The following CNTNAP2 variants were observed in gnomAD, a reference collection of about 807,000 sequenced individuals.
CNTNAP2 encodes the protein contactin associated protein 2.
In CNTNAP2, 98 loss-of-function variants were observed where a neutral mutation model predicts 155.2. The ratio of observed to expected loss-of-function variants is 0.63; its 90% CI spans 0.54 to 0.75. CNTNAP2 has a LOEUF of 0.75. Among genes scored for constraint, CNTNAP2 ranks in the 30% least tolerant of loss-of-function variants. The pLI, the probability that CNTNAP2 is intolerant of heterozygous loss-of-function variation, is 0.00. For synonymous variants in CNTNAP2, 651 were observed against 631.2 expected, an observed-to-expected ratio of 1.03 and a Z score of -0.47; for missense variants, 1,727 against 1,688.1, an observed-to-expected ratio of 1.02 and a Z score of -0.40.
chr7:147,894,805 C>T (rs770521613), intron 13 of CNTNAP2, among the ~76,000 whole-genome samples: 4 of 151,648 alleles, frequency 2.6e-5, no homozygotes, highest in Non-Finnish European at 5.9e-5. Flanking sequence ...CCAGAAGTTC[C>T]GAAGAACACA....
At chr7:148,412,186 C>G (rs1799856782) in intron 23 of CNTNAP2, among the ~76,000 whole-genome samples, 2 of 152,210 alleles carry the variant, frequency 1.3e-5, no homozygotes, top group African/African-American at 4.8e-5. Flanking sequence ...GTGATCCACC[C>G]ACCTCGGCCT....
intron 12 of CNTNAP2, among the ~76,000 whole-genome samples, chr7:147,565,986 T>C (rs1171882855): frequency 6.6e-6 from 1 of 151,474 alleles, no homozygotes; most frequent in African/African-American, 2.4e-5. Context: ...AATGAGCTCT[T>C]AGAAACTCAA....
chr7:146,311,132 T>C (rs1800813671), intron 1 of CNTNAP2, among the ~76,000 whole-genome samples: 3 of 152,222 alleles, frequency 2.0e-5, no homozygotes, highest in Non-Finnish European at 4.4e-5. Context: ...GATATTGTTA[T>C]ATTGATAACA....
chr7:148,369,877 G>T (rs1376440471), intron 21 of CNTNAP2, among the ~76,000 whole-genome samples: 1 of 152,056 alleles, frequency 6.6e-6, no homozygotes, highest in African/African-American at 2.4e-5. Context: ...TTTCAGCTAA[G>T]TCACCAGAAC....
chr7:146,181,830 A>G (rs1011364883), intron 1 of CNTNAP2, among the ~76,000 whole-genome samples: 1 of 152,160 alleles, frequency 6.6e-6, no homozygotes, highest in African/African-American at 2.4e-5. Flanking sequence ...CAGGCCCTAG[A>G]GAGAATTTGC....
At chr7:147,097,098 A>G (rs553956426) in intron 4 of CNTNAP2, among the ~76,000 whole-genome samples, 10 of 152,334 alleles carry the variant, frequency 6.6e-5, no homozygotes, top group South Asian at 2.1e-4. Context: ...ATATGTCCCA[A>G]TCTCTCACAA....
chr7:147,233,290 G>C (rs1205265938), intron 8 of CNTNAP2, among the ~76,000 whole-genome samples: 5 of 152,208 alleles, frequency 3.3e-5, no homozygotes, highest in African/African-American at 1.2e-4. Flanking sequence ...CGGCTTGATG[G>C]ACAGGGTGAT....
intron 9 of CNTNAP2, among the ~76,000 whole-genome samples, chr7:147,366,669 T>C (rs970584404): frequency 5.3e-5 from 8 of 152,138 alleles, no homozygotes; most frequent in Non-Finnish European, 1.0e-4. Context: ...ACAAGTTTTG[T>C]TATGCAGTAC....
intron 9 of CNTNAP2, among the ~76,000 whole-genome samples, chr7:147,387,315 C>T (rs369651452): frequency 7.2e-5 from 11 of 152,192 alleles, no homozygotes; most frequent in African/African-American, 2.7e-4. Flanking sequence ...TTCACTTTCA[C>T]AACCTTCTCA....
At chr7:147,398,280 AC>A (rs935939510) in intron 10 of CNTNAP2, among the ~76,000 whole-genome samples, 48 of 152,168 alleles carry the variant, frequency 3.2e-4, no homozygotes, top group African/African-American at 1.1e-3. Context: ...AGACTTTGCA[AC>A]TGCCCCGTAT....
At chr7:147,533,620 T>C (rs1235284514) in intron 11 of CNTNAP2, among the ~76,000 whole-genome samples, 2 of 151,910 alleles carry the variant, frequency 1.3e-5, no homozygotes, top group African/African-American at 2.4e-5. Context: ...AAATACTTAC[T>C]TGGAGCCAGG....
intron 17 of CNTNAP2, among the ~76,000 whole-genome samples, chr7:148,166,529 TTTTTGTTTAATTTAATAGCCGATTA>T (rs1805664123): frequency 1.3e-5 from 2 of 152,176 alleles, no homozygotes; most frequent in Non-Finnish European, 2.9e-5. Flanking sequence ...GTTTTTGCCC[TTTTTGTTTAATTTAATAGCCGATTA>T]TTTTGTCCCA....
intron 15 of CNTNAP2, among the ~76,000 whole-genome samples, chr7:147,989,840 C>A (rs1330486685): frequency 6.6e-6 from 1 of 152,200 alleles, no homozygotes; most frequent in Non-Finnish European, 1.5e-5. Context: ...GCCACTCACA[C>A]CTCCCTACAG....
chr7:147,120,912 ATCT>A (rs1801097656), intron 5 of CNTNAP2, 64 bp from the exon 6 acceptor site: 8 of 1,451,970 alleles, frequency 5.5e-6, no homozygotes, highest in Non-Finnish European at 7.7e-6. Flanking sequence ...TAAATGAAAG[ATCT>A]TCTGCTTCAC....
intron 11 of CNTNAP2, among the ~76,000 whole-genome samples, chr7:147,511,091 A>G (rs923822787): frequency 6.6e-6 from 1 of 151,798 alleles, no homozygotes; most frequent in Non-Finnish European, 1.5e-5. Flanking sequence ...ATTCATATAT[A>G]TATGTGAGGA....
chr7:148,173,732 T>C (rs937198232), intron 18 of CNTNAP2, among the ~76,000 whole-genome samples: 2 of 152,248 alleles, frequency 1.3e-5, no homozygotes, highest in African/African-American at 4.8e-5. Flanking sequence ...TGAATGGGCC[T>C]GCAGAACACA....
At chr7:147,778,124 G>T (rs901648220) in intron 13 of CNTNAP2, among the ~76,000 whole-genome samples, 4 of 152,092 alleles carry the variant, frequency 2.6e-5, no homozygotes, top group Non-Finnish European at 4.4e-5. Context: ...TCGGCATAAA[G>T]TCCCCATATT....
chr7:146,582,548 A>G lies in CNTNAP2; in HGVS notation c.98-191723A>G, dbSNP rs184745474. Among the ~76,000 whole-genome samples, 7 of 152,302 alleles carry G rather than the reference A, an allele frequency of 4.6e-5. No individual in the cohort carries two copies. The East Asian group carries it at 1.4e-3, about 29-fold the overall frequency. On this transcript the variant is annotated intron_variant, in intron 1 of 23. Coordinates refer to ENST00000361727, the MANE Select transcript of CNTNAP2 (RefSeq NM_014141.6). ...TTTATAACGCAAGCCCTGATTTGAA[A>G]GTCACAAGGTCAGACACTTGGAATT...
intron 11 of CNTNAP2, among the ~76,000 whole-genome samples, chr7:147,491,251 G>T (rs1017761349): frequency 2.0e-5 from 3 of 151,948 alleles, no homozygotes; most frequent in Non-Finnish European, 4.4e-5. Flanking sequence ...CCCCTTCAAT[G>T]CACTGGCCTC....
Sources: gnomAD v4.1 joint callset for allele counts (sites outside exome capture counted in the v4.1 genomes callset) on GRCh38, gnomAD v4.1.1 for gene constraint, MANE v1.5 for transcripts, NCBI Gene and HGNC (gene_info 2026-07-23, HGNC 2026-07-21) for gene names.